Variants in RNF138 observed in about 807,000 individuals in gnomAD.
The protein encoded by RNF138 is ring finger protein 138, also known as E3 ubiquitin-protein ligase RNF138.
RNF138 carries 12 observed loss-of-function variants against 31.0 expected under a neutral mutation model. That is an observed-to-expected ratio of 0.39 (90% CI 0.25 to 0.63). The LOEUF (loss-of-function observed/expected upper bound fraction) is 0.63. Among genes scored for constraint, RNF138 ranks in the 20% least tolerant of loss-of-function variants. RNF138 has a pLI of 0.52. For synonymous variants in RNF138, 105 were observed against 99.5 expected (o/e 1.06, Z -0.33); for missense variants, 192 against 300.1 (o/e 0.64, Z 2.66).
intron 2 of RNF138, among the ~76,000 whole-genome samples, chr18:32,103,937 C>T (rs1010470617): frequency 2.0e-5 from 3 of 151,600 alleles, no homozygotes; most frequent in Admixed American, 1.3e-4. Context: ...TGCACTCCAG[C>T]CTGGGCGACA....
chr18:32,098,452 T>A (rs2039854104), intron 2 of RNF138, among the ~76,000 whole-genome samples: 1 of 152,254 alleles, frequency 6.6e-6, no homozygotes, highest in Non-Finnish European at 1.5e-5. Context: ...CCTGGCTTTG[T>A]AATTTTAACA....
chr18:32,126,593 T>C (rs1044448236), intron 6 of RNF138, 100 bp from the exon 7 acceptor site: 3 of 665,092 alleles, frequency 4.5e-6, no homozygotes, highest in Admixed American at 5.5e-5. Flanking sequence ...CTCACGTAGA[T>C]ATTTTTGGTA....
intron 2 of RNF138, among the ~76,000 whole-genome samples, chr18:32,103,965 A>AG (rs1368721608): frequency 6.6e-6 from 1 of 151,762 alleles, no homozygotes; most frequent in Non-Finnish European, 1.5e-5. Context: ...ACTCCGTCTC[A>AG]GAAAAAAAAA....
chr18:32,103,648 CAA>C (rs1445854241), intron 2 of RNF138, among the ~76,000 whole-genome samples: 2 of 151,956 alleles, frequency 1.3e-5, no homozygotes, highest in African/African-American at 2.4e-5. Context: ...TTTTTTTAGA[CAA>C]GAGTACATGT....
Position 32,097,940 on chromosome 18 carries a change from A to G in RNF138, c.110+5054A>G, listed in dbSNP as rs183409478. The stretch of plus-strand genomic sequence containing the variant: ...TGTGTGTGTGTGTATATGTGTATGT[A>G]TATATGTGTGTGTGTGTGTGTGTGT... On this transcript the variant is annotated intron_variant, in intron 2 of 7. Coordinates refer to ENST00000261593, the MANE Select transcript of RNF138 (RefSeq NM_016271.5). Among the ~76,000 whole-genome samples, 126 of 45,596 alleles carry G rather than the reference A, an allele frequency of 2.8e-3. No homozygotes were observed. The Admixed American group carries it at 0.033, about 12-fold the overall frequency. The allele number at this position is 45,596 out of a possible 152,430, so 29.9% of individuals were successfully genotyped here. A position where few individuals can be genotyped will look rare whatever the true frequency, so the allele number is the denominator to read the frequency against.
At chr18:32,098,725 C>A (rs1162605211) in intron 2 of RNF138, among the ~76,000 whole-genome samples, 1 of 151,718 alleles carries the variant, frequency 6.6e-6, no homozygotes, top group African/African-American at 2.4e-5. Flanking sequence ...TGGCGGCAGG[C>A]GCCTGTAATC....
Position 32,092,902 on chromosome 18 carries a change from CT to C in RNF138, c.110+17del, listed in dbSNP as rs879142492. 4 of 1,440,202 alleles carry C rather than the reference CT, an allele frequency of 2.8e-6. No homozygotes were observed. Among genetic ancestry groups the C allele is most frequent in the South Asian group, 1.3e-5 (1 of 78,128 alleles). 89.2% of individuals were successfully genotyped at this position (1,440,202 alleles called of 1,614,324 possible). A position where few individuals can be genotyped will look rare whatever the true frequency, so the allele number is the denominator to read the frequency against. Reference sequence around the variant, plus strand: ...GTCAGCACGTGTGAGTAGACGCCCCCTCCCCCTCGCGGAGCCGGGTTGTCGC... The same window carrying C: ...GTCAGCACGTGTGAGTAGACGCCCCCCCCCCTCGCGGAGCCGGGTTGTCGC... On this transcript the variant is annotated intron_variant, in intron 2 of 7. Coordinates refer to ENST00000261593, the MANE Select transcript of RNF138 (RefSeq NM_016271.5).
chr18:32,118,530 T>G (rs1346429219), intron 4 of RNF138, among the ~76,000 whole-genome samples: 2 of 142,072 alleles, frequency 1.4e-5, no homozygotes, highest in African/African-American at 5.3e-5. Context: ...CAAGACTCTT[T>G]CTCAAAAAAT....
intron 2 of RNF138, among the ~76,000 whole-genome samples, chr18:32,093,148 C>T (rs994412541): frequency 4.0e-5 from 6 of 150,140 alleles, no homozygotes; most frequent in East Asian, 2.0e-4. Context: ...CTCCCGCTCT[C>T]CCTGGCTTTC....
At chr18:32,113,686 C>T in intron 3 of RNF138, 59 bp from the exon 4 acceptor site, 1 of 755,498 alleles carries the variant, frequency 1.3e-6, no homozygotes, top group South Asian at 2.1e-5. Flanking sequence ...TCTCTTTACA[C>T]TATTTCAAAT....
At chr18:32,126,326 T>C (rs1176928526) in intron 6 of RNF138, among the ~76,000 whole-genome samples, 1 of 152,240 alleles carries the variant, frequency 6.6e-6, no homozygotes, top group East Asian at 1.9e-4. Context: ...ATAAAACTAA[T>C]AATAATTATA....
In RNF138 at chr18:32,130,539, A is replaced by T. The variant is rs1172510306; in HGVS notation, c.*1352A>T. The T allele has an allele frequency of 6.6e-6, 1 of 152,450 alleles. No homozygotes were observed. Among genetic ancestry groups the T allele is most frequent in the East Asian group, 1.9e-4 (1 of 5,206 alleles). The allele number at this position is 152,450 out of a possible 1,614,324, so 9.4% of individuals were successfully genotyped here. On this transcript the variant is annotated 3_prime_UTR_variant, in exon 8 of 8. Coordinates refer to ENST00000261593, the MANE Select transcript of RNF138 (RefSeq NM_016271.5). The stretch of plus-strand genomic sequence containing the variant: ...CATTCCATACTAATATACATTGTTT[A>T]TGCTTTCTTTAAAATAACTAGAAGA...
chr18:32,112,733 A>C (rs140688756), intron 3 of RNF138, among the ~76,000 whole-genome samples: 26 of 152,322 alleles, frequency 1.7e-4, no homozygotes, highest in African/African-American at 6.3e-4. Flanking sequence ...ATTTTAAGGA[A>C]CATGTAGGAA....
chr18:32,129,121 T>C lies in RNF138; in HGVS notation c.672T>C (p.Asn224=), dbSNP rs769148779. The change falls in exon 8 of 8, where the codon AAT becomes AAC. Residue 224 remains asparagine (N), a splice_region_variant and synonymous_variant. Transcript: ENST00000261593. ...GACATGAATGTTATTGTTTTTAGAA[T>C]CTTCAGCTAGATGAAGAAACCCAAT... is the stretch of plus-strand genomic sequence containing the variant. ...RHQFDYGEFV[N]LQLDEETQYQ... The C allele has an allele frequency of 8.7e-6, 14 of 1,606,870 alleles. No individual in the cohort carries two copies. Among genetic ancestry groups the C allele is most frequent in the Non-Finnish European group, 1.2e-5 (14 of 1,173,902 alleles).
intron 2 of RNF138, among the ~76,000 whole-genome samples, chr18:32,096,397 G>GT (rs2039805925): frequency 2.0e-5 from 3 of 152,178 alleles, no homozygotes; most frequent in Admixed American, 6.5e-5. Context: ...TAAGGACAGT[G>GT]TAAGATTTGA....
chr18:32,117,478 A>G (rs1247413436), intron 4 of RNF138, among the ~76,000 whole-genome samples: 1 of 152,188 alleles, frequency 6.6e-6, no homozygotes, highest in Non-Finnish European at 1.5e-5. Flanking sequence ...GGAAATTCTT[A>G]AAGTGGCATT....
chr18:32,131,049 TTAAA>T lies in RNF138; in HGVS notation c.*1863_*1866del, dbSNP rs1230911858. The T allele has an allele frequency of 1.3e-5, 2 of 151,182 alleles. No homozygotes were observed. The highest frequency in any genetic ancestry group is 1.3e-4 in the Admixed American group (2 of 15,056). 9.4% of individuals were successfully genotyped at this position (151,182 alleles called of 1,614,324 possible). A position where few individuals can be genotyped will look rare whatever the true frequency, so the allele number is the denominator to read the frequency against. On this transcript the variant is annotated 3_prime_UTR_variant, in exon 8 of 8. Coordinates refer to ENST00000261593, the MANE Select transcript of RNF138 (RefSeq NM_016271.5). ...AGTTTAATACATCCAATATGTCAAG[TTAAA>T]CCATTCTGGGATTTGCAAAGTTTAA...
intron 2 of RNF138, among the ~76,000 whole-genome samples, chr18:32,104,323 A>T (rs2039993345): frequency 6.7e-6 from 1 of 149,914 alleles, no homozygotes; most frequent in Non-Finnish European, 1.5e-5. Context: ...TAAAAGTTTA[A>T]AAAAAAAAAT....
intron 6 of RNF138, among the ~76,000 whole-genome samples, chr18:32,126,113 G>T (rs1285411808): frequency 1.3e-5 from 2 of 152,100 alleles, no homozygotes; most frequent in Admixed American, 6.5e-5. Context: ...GTAAGGATAT[G>T]GCTGGGTGTG....
Sources: allele counts gnomAD v4.1 joint callset (sites outside exome capture counted in the v4.1 genomes callset), GRCh38; gene constraint gnomAD v4.1.1; transcripts MANE v1.5; gene names NCBI Gene and HGNC (gene_info 2026-07-23, HGNC 2026-07-21).